NELL2: variants seen among roughly 807,000 people sequenced by gnomAD.
NELL2 encodes protein kinase C-binding protein NELL2.
NELL2 carries 41 observed loss-of-function variants against 109.6 expected under a neutral mutation model. The ratio of observed to expected loss-of-function variants is 0.37; its 90% CI spans 0.29 to 0.49. The LOEUF is 0.49. Among genes scored for constraint, NELL2 ranks in the 20% least tolerant of loss-of-function variants. The pLI is 0.98. For synonymous variants in NELL2, 355 were observed against 344.7 expected (o/e 1.03, Z -0.33); for missense variants, 900 against 1,008.3 (o/e 0.89, Z 1.45).
At chr12:44,876,943 C>T (rs569020639), upstream of NELL2, 84 of 1,192,258 alleles carry the variant, frequency 7.0e-5, no homozygotes, top group East Asian at 2.7e-3. Context: ...GCTTCCCCGG[C>T]GCGGAGAGCT....
At position 44,866,686 on chromosome 12, in the gene NELL2, G is replaced by C. The variant is rs986736281; in HGVS notation, c.184+8539C>G. Among the ~76,000 whole-genome samples, 4 of 151,986 alleles carry C rather than the reference G, an allele frequency of 2.6e-5. No homozygotes were observed. The South Asian group carries it at 8.3e-4, about 32-fold the overall frequency. On this transcript the variant is annotated intron_variant, in intron 2 of 19. Coordinates refer to ENST00000429094, the MANE Select transcript of NELL2 (RefSeq NM_001145108.2). ...TAATAGAAAAAATAAATGAAACAGA[G>C]AGTTGTTTTCTAATGAAGATAAACA...
At chr12:44,681,517 T>C (rs1489009704) in intron 12 of NELL2, among the ~76,000 whole-genome samples, 2 of 152,070 alleles carry the variant, frequency 1.3e-5, no homozygotes, top group Non-Finnish European at 2.9e-5. Flanking sequence ...GCTGCACCCA[T>C]TAACTCGTCA....
At chr12:44,542,674 G>A (rs1238486260) in intron 15 of NELL2, among the ~76,000 whole-genome samples, 1 of 152,176 alleles carries the variant, frequency 6.6e-6, no homozygotes, top group Non-Finnish European at 1.5e-5. Context: ...GCCTGGTGAA[G>A]AATGTAAATC....
At chr12:44,574,197 T>C (rs1208717742) in intron 15 of NELL2, among the ~76,000 whole-genome samples, 1 of 151,980 alleles carries the variant, frequency 6.6e-6, no homozygotes, top group Non-Finnish European at 1.5e-5. Context: ...TCCAGCCCCC[T>C]GGGTTTAAGT....
upstream of NELL2, among the ~76,000 whole-genome samples, chr12:44,877,771 C>A (rs1013180636): frequency 6.6e-6 from 1 of 152,010 alleles, no homozygotes; most frequent in African/African-American, 2.4e-5. Context: ...TCTCTCTTAT[C>A]GAATTTCCCA....
chr12:44,725,087 C>T (rs1467520259), intron 9 of NELL2, among the ~76,000 whole-genome samples: 1 of 152,010 alleles, frequency 6.6e-6, no homozygotes, highest in African/African-American at 2.4e-5. Flanking sequence ...GAAGCTGGAC[C>T]CCTTCCTTAC....
chr12:44,745,690 A>G (rs1940301949), intron 9 of NELL2, among the ~76,000 whole-genome samples: 1 of 152,182 alleles, frequency 6.6e-6, no homozygotes, highest in South Asian at 2.1e-4. Flanking sequence ...GTGAACTCCC[A>G]TTCACAATTG....
At chr12:44,801,105 C>A (rs770931760) in intron 3 of NELL2, among the ~76,000 whole-genome samples, 3 of 152,116 alleles carry the variant, frequency 2.0e-5, no homozygotes, top group Admixed American at 6.6e-5. Context: ...ACCAACCTTG[C>A]CCTAAATTGT....
chr12:44,683,467 G>A (rs1237855619), intron 12 of NELL2, among the ~76,000 whole-genome samples: 1 of 151,798 alleles, frequency 6.6e-6, no homozygotes, highest in Non-Finnish European at 1.5e-5. Context: ...TTGAATAGGA[G>A]TGGTGAGAGA....
At chr12:44,627,906 T>G (rs1022969964) in intron 13 of NELL2, among the ~76,000 whole-genome samples, 5 of 152,318 alleles carry the variant, frequency 3.3e-5, no homozygotes, top group Admixed American at 2.6e-4. Flanking sequence ...TCCTGGTTAT[T>G]GATAAAATGT....
chr12:44,876,611 C>A (rs1353324442), upstream of NELL2: 1 of 1,550,214 alleles, frequency 6.5e-7, no homozygotes, highest in South Asian at 1.2e-5. Context: ...TCTCACCCCT[C>A]GATTTCGGGC....
intron 13 of NELL2, among the ~76,000 whole-genome samples, chr12:44,648,175 C>T (rs1947164756): frequency 6.6e-6 from 1 of 152,136 alleles, no homozygotes; most frequent in Admixed American, 6.5e-5. Flanking sequence ...AAGCTTCCTC[C>T]CACTAGAAAG....
upstream of NELL2, among the ~76,000 whole-genome samples, chr12:44,918,514 T>TGC (rs1945845502): frequency 8.5e-6 from 1 of 117,302 alleles, no homozygotes; most frequent in South Asian, 2.6e-4. Flanking sequence ...CATGCATGCA[T>TGC]GTATGTGTGT....
At chr12:44,780,118 C>G in intron 3 of NELL2, 96 bp from the exon 4 acceptor site, 1 of 1,289,946 alleles carries the variant, frequency 7.8e-7, no homozygotes, top group South Asian at 1.4e-5. Context: ...TGTACTTTTC[C>G]TAGTTCTCCC....
chr12:44,822,088 T>G (rs547754693), intron 2 of NELL2, among the ~76,000 whole-genome samples: 25 of 152,018 alleles, frequency 1.6e-4, no homozygotes, highest in Non-Finnish European at 8.8e-5. Flanking sequence ...TAGATATGCA[T>G]TAAGCAATCT....
intron 19 of NELL2, among the ~76,000 whole-genome samples, chr12:44,513,721 A>C (rs1351665413): frequency 1.3e-5 from 2 of 151,906 alleles, no homozygotes; most frequent in Non-Finnish European, 2.9e-5. Flanking sequence ...AAATTATCCA[A>C]TCCATAAAAC....
chr12:44,892,815 A>G (rs967574295), intron 1 of NELL2, among the ~76,000 whole-genome samples: 7 of 151,452 alleles, frequency 4.6e-5, no homozygotes, highest in Admixed American at 6.6e-5. Flanking sequence ...AAAAAAAAAA[A>G]AAAAGAAACC....
At chr12:44,522,745 T>C (rs1471875374) in intron 17 of NELL2, 1 of 154,086 alleles carries the variant, frequency 6.5e-6, no homozygotes, top group Non-Finnish European at 1.4e-5. Context: ...AAAACTGAAA[T>C]ATACACCAAA....
intron 2 of NELL2, among the ~76,000 whole-genome samples, chr12:44,832,309 G>T (rs1943913882): frequency 6.6e-6 from 1 of 152,158 alleles, no homozygotes; most frequent in Admixed American, 6.5e-5. Context: ...AAAACAATGT[G>T]ATAAGAGGCT....
Sources: allele counts gnomAD v4.1 joint callset (sites outside exome capture counted in the v4.1 genomes callset), GRCh38; gene constraint gnomAD v4.1.1; transcripts MANE v1.5; gene names NCBI Gene and HGNC (gene_info 2026-07-23, HGNC 2026-07-21).